The following ZBTB7C variants were observed in gnomAD, a reference collection of about 807,000 sequenced individuals.
The protein encoded by ZBTB7C is zinc finger and BTB domain containing 7C, also known as zinc finger and BTB domain-containing protein 7C.
ZBTB7C carries 8 observed loss-of-function variants against 25.7 expected under a neutral mutation model. That is an observed-to-expected ratio of 0.31 (90% confidence interval 0.18 to 0.56). The LOEUF is 0.56. Ranked by LOEUF, ZBTB7C falls within the 20% of genes least tolerant of loss-of-function variation. ZBTB7C has a pLI of 0.91. For missense variants in ZBTB7C, 824 were observed against 855.2 expected, an observed-to-expected ratio of 0.96 and a Z score of 0.46; for synonymous variants, 394 against 369.0, an observed-to-expected ratio of 1.07 and a Z score of -0.78.
chr18:48,293,057 G>A (rs1051000825), intron 2 of ZBTB7C, among the ~76,000 whole-genome samples: 12 of 152,160 alleles, frequency 7.9e-5, no homozygotes, highest in East Asian at 1.9e-4. Context: ...CACAATGTCC[G>A]GCCCACCAGA....
intron 3 of ZBTB7C, among the ~76,000 whole-genome samples, chr18:48,159,531 A>T (rs11082658): frequency 0.16 from 24,183 of 152,214 alleles, 2,153 homozygotes; most frequent in South Asian, 0.24. Context: ...AATCATGCCT[A>T]CACTAATTCA....
intron 2 of ZBTB7C, among the ~76,000 whole-genome samples, chr18:48,315,137 T>C (rs1476447444): frequency 6.6e-6 from 1 of 151,822 alleles, no homozygotes; most frequent in East Asian, 1.9e-4. Context: ...GCCAGGGGAG[T>C]TGAGACACTC....
intron 3 of ZBTB7C, among the ~76,000 whole-genome samples, chr18:48,146,607 C>T (rs546306785): frequency 4.3e-4 from 65 of 152,288 alleles, no homozygotes; most frequent in Non-Finnish European, 7.1e-4. Flanking sequence ...CTACTTCACA[C>T]TCTAAACGAA....
At chr18:48,203,259 G>A (rs773357596) in intron 2 of ZBTB7C, among the ~76,000 whole-genome samples, 2 of 152,108 alleles carry the variant, frequency 1.3e-5, no homozygotes, top group African/African-American at 4.8e-5. Context: ...AACACACAGC[G>A]TGGCTCCAAG....
intron 3 of ZBTB7C, among the ~76,000 whole-genome samples, chr18:48,127,988 C>T (rs1039904729): frequency 6.6e-6 from 1 of 152,220 alleles, no homozygotes; most frequent in Non-Finnish European, 1.5e-5. Flanking sequence ...AGGCCTGAGT[C>T]ATCTGGAGGA....
At chr18:48,144,043 C>T (rs1403627803) in intron 3 of ZBTB7C, among the ~76,000 whole-genome samples, 4 of 152,198 alleles carry the variant, frequency 2.6e-5, no homozygotes, top group African/African-American at 4.8e-5. Context: ...TTTGGGAGGC[C>T]GAGGTGGGCG....
chr18:48,056,388 A>G (rs963775892), intron 3 of ZBTB7C, among the ~76,000 whole-genome samples: 8 of 152,252 alleles, frequency 5.3e-5, no homozygotes, highest in Non-Finnish European at 1.2e-4. Flanking sequence ...TGAAGTTCAT[A>G]TAGAAAAATA....
At chr18:48,060,756 C>A (rs2037096785) in intron 3 of ZBTB7C, among the ~76,000 whole-genome samples, 1 of 152,178 alleles carries the variant, frequency 6.6e-6, no homozygotes, top group African/African-American at 2.4e-5. Context: ...GTCCTCACCA[C>A]ATGGAGATGT....
chr18:48,319,517 A>G (rs1424565971), intron 2 of ZBTB7C, among the ~76,000 whole-genome samples: 1 of 152,224 alleles, frequency 6.6e-6, no homozygotes, highest in African/African-American at 2.4e-5. Flanking sequence ...TTTATAGTCA[A>G]AAGGAAAGCA....
intron 3 of ZBTB7C, among the ~76,000 whole-genome samples, chr18:48,127,394 C>T (rs752174789): frequency 1.3e-5 from 2 of 152,222 alleles, no homozygotes; most frequent in African/African-American, 2.4e-5. Context: ...AATGTCATGC[C>T]TGATTCTACA....
chr18:48,316,163 A>G (rs919245218), intron 2 of ZBTB7C, among the ~76,000 whole-genome samples: 1 of 152,216 alleles, frequency 6.6e-6, no homozygotes, highest in African/African-American at 2.4e-5. Flanking sequence ...CTTACAGACA[A>G]AATAGAATTG....
At position 48,039,911 on chromosome 18, in the gene ZBTB7C, G is replaced by A. The variant is rs1568165386; in HGVS notation, c.1197C>T (p.Val399=). The change falls in exon 4 of 5, where the codon GTC becomes GTT. Residue 399 remains valine, a synonymous_variant. Transcript: ENST00000590800. ...GCTGCCATGCGCACCTGGTGAAGCGGACCTCGCAGATGGTGCACATGTATG... is the reference window on the plus strand; with the variant it reads ...GCTGCCATGCGCACCTGGTGAAGCGAACCTCGCAGATGGTGCACATGTATG... ...EKPYMCTICE[V]RFTRQDKLKI... is the part of the protein sequence containing the mutation. 1 of 1,612,550 alleles carries A rather than the reference G, an allele frequency of 6.2e-7. No homozygotes were observed. Among genetic ancestry groups the A allele is most frequent in the Non-Finnish European group, 8.5e-7 (1 of 1,180,026 alleles).
intron 3 of ZBTB7C, among the ~76,000 whole-genome samples, chr18:48,124,175 A>C (rs2039723508): frequency 6.6e-6 from 1 of 152,228 alleles, no homozygotes. Flanking sequence ...CTCTACCTAG[A>C]AATGTCGGAT....
intron 2 of ZBTB7C, among the ~76,000 whole-genome samples, chr18:48,256,036 T>C (rs981752548): frequency 2.6e-5 from 4 of 152,088 alleles, no homozygotes; most frequent in Non-Finnish European, 4.4e-5. Flanking sequence ...TTGTTCTATG[T>C]GTAATTAAAG....
intron 1 of ZBTB7C, among the ~76,000 whole-genome samples, chr18:48,401,789 C>T (rs540223605): frequency 7.7e-4 from 117 of 152,262 alleles, no homozygotes; most frequent in African/African-American, 2.6e-3. Flanking sequence ...TGGGTCCCTC[C>T]TGTTTCTGTC....
intron 2 of ZBTB7C, among the ~76,000 whole-genome samples, chr18:48,202,473 G>T (rs1159074898): frequency 6.6e-6 from 1 of 151,372 alleles, no homozygotes; most frequent in African/African-American, 2.4e-5. Flanking sequence ...ACAAAACCAG[G>T]TGGGGGGCGG....
chr18:48,282,607 T>C (rs897239010), intron 2 of ZBTB7C, among the ~76,000 whole-genome samples: 15 of 152,188 alleles, frequency 9.9e-5, no homozygotes, highest in Non-Finnish European at 2.2e-4. Context: ...ATTATCTAAA[T>C]GCCCACCTAC....
At position 48,279,893 on chromosome 18, in the gene ZBTB7C, C is replaced by T. The variant is rs544306510; in HGVS notation, c.-79+58281G>A. Among the ~76,000 whole-genome samples, 58 of 152,274 alleles carry T rather than the reference C, an allele frequency of 3.8e-4. 1 individual carries two copies. The highest frequency in any genetic ancestry group is 1.3e-3 in the African/African-American group (55 of 41,560). On this transcript the variant is annotated intron_variant, in intron 2 of 4. Coordinates refer to ENST00000590800, the MANE Select transcript of ZBTB7C (RefSeq NM_001318841.2). ...AGAAAGGGGATGAAGGAAATCACAA[C>T]GCAGTGGATAAGAGCCAAGATGAGC...
chr18:48,173,897 CT>C (rs1271381006), intron 3 of ZBTB7C, among the ~76,000 whole-genome samples: 8 of 152,212 alleles, frequency 5.3e-5, no homozygotes, highest in Non-Finnish European at 1.2e-4. Flanking sequence ...CACTTGTCCC[CT>C]GTCCCCATCC....
Sources: gnomAD v4.1 joint callset for allele counts (sites outside exome capture counted in the v4.1 genomes callset) on GRCh38, gnomAD v4.1.1 for gene constraint, MANE v1.5 for transcripts, NCBI Gene and HGNC (gene_info 2026-07-23, HGNC 2026-07-21) for gene names.